Variants in WDR47 observed in about 807,000 individuals in gnomAD.
The protein encoded by WDR47 is WD repeat domain 47, also known as WD repeat-containing protein 47.
A neutral mutation model predicts 97.2 loss-of-function variants in WDR47; 32 were observed. The ratio of observed to expected loss-of-function variants is 0.33; its 90% CI spans 0.25 to 0.44. The LOEUF (loss-of-function observed/expected upper bound fraction) is 0.44, where lower values mean the gene tolerates loss of function less well. Among genes scored for constraint, WDR47 ranks in the 20% least tolerant of loss-of-function variants. WDR47 has a pLI of 1.00. For synonymous variants in WDR47, 375 were observed against 373.5 expected (o/e 1.00, Z -0.05); for missense variants, 782 against 1,102.3 (o/e 0.71, Z 4.11).
intron 1 of WDR47, among the ~76,000 whole-genome samples, chr1:109,040,515 C>CAA (rs201756033): frequency 3.4e-4 from 43 of 125,676 alleles, no homozygotes; most frequent in Admixed American, 7.4e-4. Flanking sequence ...AAATCCCGTC[C>CAA]AAAAAAAAAA....
At chr1:109,019,207 A>C (rs1210305688) in intron 2 of WDR47, among the ~76,000 whole-genome samples, 1 of 151,986 alleles carries the variant, frequency 6.6e-6, no homozygotes, top group Non-Finnish European at 1.5e-5. Context: ...ACATGGCGAA[A>C]CACCATCTCT....
intron 9 of WDR47, among the ~76,000 whole-genome samples, chr1:108,991,009 T>G (rs901547889): frequency 2.6e-5 from 4 of 151,916 alleles, no homozygotes; most frequent in African/African-American, 9.7e-5. Context: ...TTGTTTTTTT[T>G]TTTTTAAGAC....
At chr1:109,024,975 C>G (rs137964216) in intron 1 of WDR47, 5,778 of 152,228 alleles carry the variant, frequency 0.038, 127 homozygotes, top group South Asian at 0.079. Flanking sequence ...CTCTGAACAA[C>G]AGAGGAAGAC....
intron 7 of WDR47, among the ~76,000 whole-genome samples, chr1:109,001,244 G>A (rs1660162127): frequency 1.3e-5 from 2 of 152,036 alleles, no homozygotes; most frequent in Non-Finnish European, 2.9e-5. Flanking sequence ...AGCGAAGATC[G>A]CGCCACTGTA....
At chr1:109,022,483 A>G (rs1661914095) in intron 2 of WDR47, among the ~76,000 whole-genome samples, 1 of 152,206 alleles carries the variant, frequency 6.6e-6, no homozygotes, top group Admixed American at 6.5e-5. Flanking sequence ...TTATCATACC[A>G]CAACCACAAT....
chr1:109,029,994 T>G, intron 1 of WDR47: 1 of 393,346 alleles, frequency 2.5e-6, no homozygotes, highest in Non-Finnish European at 4.5e-6. Context: ...GGTAGCTTTC[T>G]AACCAAATAT....
At chr1:109,041,481 G>C (rs546090497) in intron 1 of WDR47, 1 of 152,388 alleles carries the variant, frequency 6.6e-6, no homozygotes, top group South Asian at 2.1e-4. Context: ...CAAGGGGCGA[G>C]GAAGGAAGAA....
intron 1 of WDR47, among the ~76,000 whole-genome samples, chr1:109,024,135 A>G (rs957027952): frequency 2.6e-5 from 4 of 152,340 alleles, no homozygotes; most frequent in Admixed American, 2.6e-4. Flanking sequence ...CAGCGGAGCC[A>G]AACAAAACAA....
chr1:109,001,197 G>A (rs1660158258), intron 7 of WDR47, among the ~76,000 whole-genome samples: 2 of 152,014 alleles, frequency 1.3e-5, no homozygotes, highest in Non-Finnish European at 2.9e-5. Context: ...GCTGAGGCAG[G>A]AGAATTGCTC....
chr1:108,992,172 C>A, intron 8 of WDR47: 1 of 669,210 alleles, frequency 1.5e-6, no homozygotes, highest in Non-Finnish European at 2.7e-6. Context: ...AGAGCAAGAT[C>A]TATTTTTTAA....
In WDR47 at chr1:109,011,260, C is replaced by T; in HGVS notation, c.786G>A (p.Gln262=). 1 of 1,614,108 alleles carries T rather than the reference C, an allele frequency of 6.2e-7. No homozygotes were observed. Among genetic ancestry groups the T allele is most frequent in the Non-Finnish European group, 8.5e-7 (1 of 1,180,032 alleles). ...PSSVFSCAFE[Q]KMLNIHVDKL... ...TGTCAACATGAATATTAAGCATTTT[C>T]TGTTCAAAAGCACAAGAGAAGACAG... Residue 262 remains glutamine (Q), a synonymous_variant, in exon 5 of 15, where the codon CAG becomes CAA. Transcript: ENST00000369962.
intron 13 of WDR47, among the ~76,000 whole-genome samples, chr1:108,978,491 A>G (rs542635166): frequency 6.9e-6 from 1 of 144,420 alleles, no homozygotes; most frequent in African/African-American, 2.6e-5. Context: ...CCGTCTCAAA[A>G]GCAAAAAAAA....
Position 108,986,532 on chromosome 1 carries a change from A to G in WDR47, c.1916T>C (p.Ile639Thr), listed in dbSNP as rs1243618881. Residue 639 changes from isoleucine to threonine, a missense_variant, in exon 10 of 15, where the codon ATT (isoleucine) becomes ACT (threonine). Ile to Thr is a moderately conservative substitution (Grantham distance 89). Coordinates refer to ENST00000369962, the MANE Select transcript of WDR47 (RefSeq NM_001142551.2). ...TLRVCAYPDV[I>T]DPSAHETPKQ... Reference sequence around the variant, plus strand: ...AATCATTGATCCTTACCTTGGATCAATTACATCTGGATAGGCACATACTCT... The same window carrying G: ...AATCATTGATCCTTACCTTGGATCAGTTACATCTGGATAGGCACATACTCT... 6.2e-7 allele frequency: 1 copy of G among 1,607,586 alleles called. No individual in the cohort carries two copies. The highest frequency in any genetic ancestry group is 2.2e-5 in the East Asian group (1 of 44,776).
rs752463121 is a variant in WDR47, at chr1:108,982,732, C to T, written c.2143G>A (p.Ala715Thr). The stretch of plus-strand genomic sequence containing the variant: ...CCGCTTTCTGGGCCTTCCATAAATG[C>T]CAAGTCTCTAATTGTTCCATCATGC... Reference protein sequence around the residue: ...SMHDGTIRDLAFMEGPESGGA... With the variant: ...SMHDGTIRDLTFMEGPESGGA... Residue 715 changes from alanine (A) to threonine (T), a missense_variant, in exon 12 of 15, where the codon GCA (alanine) becomes ACA (threonine). By Grantham distance (58) the Ala-to-Thr change is moderately conservative. Transcript: ENST00000369962. The T allele has an allele frequency of 1.2e-6, 2 of 1,613,914 alleles. No individual in the cohort carries two copies. Among genetic ancestry groups the T allele is most frequent in the Non-Finnish European group, 1.7e-6 (2 of 1,179,984 alleles).
rs931284486 is a variant in WDR47, at chr1:109,002,166, C to T, written c.1433+58G>A. ...TATACATAGAAAGTAGCAGTTATTG[C>T]ATGTTTTAAATAGCTTTCAAATAAC... On this transcript the variant is annotated intron_variant, in intron 7 of 14. Coordinates refer to ENST00000369962, the MANE Select transcript of WDR47 (RefSeq NM_001142551.2). 8 of 1,455,684 alleles carry T rather than the reference C, an allele frequency of 5.5e-6. No individual in the cohort carries two copies. In the Admixed American group the frequency reaches 1.9e-4, roughly 35 times the overall value. 90.2% of individuals were successfully genotyped at this position (1,455,684 alleles called of 1,614,324 possible).
At chr1:108,973,718 C>CA (rs1284652526) in intron 14 of WDR47, among the ~76,000 whole-genome samples, 1 of 151,498 alleles carries the variant, frequency 6.6e-6, no homozygotes. Context: ...CCCATCTTTA[C>CA]AAAAAAATTT....
chr1:109,017,741 T>A, intron 2 of WDR47, 140 bp from the exon 3 acceptor site: 2 of 650,444 alleles, frequency 3.1e-6, no homozygotes, highest in Non-Finnish European at 4.7e-6. Flanking sequence ...CTCAAATAAA[T>A]TTTTCATAAT....
chr1:108,991,480 C>CT (rs1659345434), intron 8 of WDR47, 151 bp from the exon 9 acceptor site: 1 of 598,692 alleles, frequency 1.7e-6, no homozygotes, highest in Non-Finnish European at 2.8e-6. Context: ...AAAATAAGCT[C>CT]TGGATTCAGT....
chr1:108,977,355 T>C (rs997006910), intron 13 of WDR47, among the ~76,000 whole-genome samples: 1 of 152,004 alleles, frequency 6.6e-6, no homozygotes, highest in South Asian at 2.1e-4. Flanking sequence ...GGTTTCACCA[T>C]GTTGGCCAGA....
Sources: allele counts gnomAD v4.1 joint callset (sites outside exome capture counted in the v4.1 genomes callset), GRCh38; gene constraint gnomAD v4.1.1; transcripts MANE v1.5; gene names NCBI Gene and HGNC (gene_info 2026-07-23, HGNC 2026-07-21).